KRT7: variants seen among roughly 807,000 people sequenced by gnomAD.
KRT7 encodes keratin 7.
Under a neutral mutation model 42.8 loss-of-function variants are expected in KRT7, and 50 were observed. That is an observed-to-expected ratio of 1.17 (90% CI 0.93 to 1.48). KRT7 has a LOEUF of 1.48. KRT7 is among the 40% of genes most tolerant of loss of function. KRT7 has a pLI of 0.00. For missense variants in KRT7, 588 were observed against 637.6 expected, an observed-to-expected ratio of 0.92 and a Z score of 0.84; for synonymous variants, 268 against 266.3, an observed-to-expected ratio of 1.01 and a Z score of -0.06.
intron 2 of KRT7, among the ~76,000 whole-genome samples, chr12:52,235,768 C>T (rs1249262284): frequency 6.6e-6 from 1 of 152,140 alleles, no homozygotes; most frequent in African/African-American, 2.4e-5. Flanking sequence ...GAATTAGAGA[C>T]CAGAGAAGTT....
chr12:52,248,696 C>G lies in KRT7; in HGVS notation c.1346C>G (p.Pro449Arg). ...CTGAGCTTCTCCAGCAGTGCGGGTC[C>G]TGGGCTCCTGAAGGCTTATTCCATC... ...NALSFSSSAG[P>R]GLLKAYSIRT... Residue 449 changes from proline (P) to arginine (R), a missense_variant, in exon 9 of 9, where the codon CCT (proline) becomes CGT (arginine). By Grantham distance (103) the Pro-to-Arg change is moderately radical. Coordinates refer to ENST00000331817, the MANE Select transcript of KRT7 (RefSeq NM_005556.4). 1 of 1,612,936 alleles carries G rather than the reference C, an allele frequency of 6.2e-7. No homozygotes were observed. Among genetic ancestry groups the G allele is most frequent in the Non-Finnish European group, 8.5e-7 (1 of 1,179,618 alleles).
chr12:52,238,354 G>A (rs1942038411), intron 3 of KRT7, among the ~76,000 whole-genome samples: 1 of 152,238 alleles, frequency 6.6e-6, no homozygotes, highest in Admixed American at 6.5e-5. Flanking sequence ...AGCTCCCAGA[G>A]TTGAAGTGAT....
At position 52,248,577 on chromosome 12, in the gene KRT7, C is replaced by T. The variant is rs1942214194; in HGVS notation, c.1241-14C>T. On this transcript the variant is annotated splice_polypyrimidine_tract_variant and intron_variant, in intron 8 of 8. Transcript: ENST00000331817. ...GCCTCACGCTGAAGAGAGCCCTCCTCTTTTCTCTCCCAGCTGTGATGAATT... is the reference window on the plus strand; with the variant it reads ...GCCTCACGCTGAAGAGAGCCCTCCTTTTTTCTCTCCCAGCTGTGATGAATT... 1.3e-6 allele frequency: 2 copies of T among 1,562,352 alleles called. No homozygotes were observed. The highest frequency in any genetic ancestry group is 1.9e-5 in the Admixed American group (1 of 53,894).
chr12:52,239,847 A>C (rs1470754763), intron 4 of KRT7, among the ~76,000 whole-genome samples: 3 of 152,024 alleles, frequency 2.0e-5, no homozygotes, highest in African/African-American at 7.3e-5. Context: ...CGGGGTTTCC[A>C]GCTCTTTTTC....
intron 5 of KRT7, 93 bp from the exon 6 acceptor site, chr12:52,242,919 A>C: frequency 7.1e-7 from 1 of 1,404,020 alleles, no homozygotes; most frequent in Admixed American, 2.2e-5. Flanking sequence ...CCCTGAAAAT[A>C]TAAGTTGGGA....
chr12:52,242,515 G>C (rs570544272), intron 5 of KRT7, among the ~76,000 whole-genome samples: 2 of 152,270 alleles, frequency 1.3e-5, no homozygotes, highest in South Asian at 4.2e-4. Context: ...CCCGAGGCAA[G>C]GATTGAGAGG....
At chr12:52,247,265 CTTCGAGT>C (rs1942188254) in intron 7 of KRT7, 1 of 152,230 alleles carries the variant, frequency 6.6e-6, no homozygotes, top group Non-Finnish European at 1.5e-5. Flanking sequence ...ACCAGAAATT[CTTCGAGT>C]TGCTGCCTGA....
chr12:52,255,598 C>T (rs1803483178), downstream of KRT7, among the ~76,000 whole-genome samples: 1 of 152,202 alleles, frequency 6.6e-6, no homozygotes, highest in Admixed American at 6.5e-5. Flanking sequence ...ACTCAAAGCT[C>T]TTTCTATTTC....
At chr12:52,252,292 T>G, downstream of KRT7, 1 of 1,614,020 alleles carries the variant, frequency 6.2e-7, no homozygotes, top group Non-Finnish European at 8.5e-7. Flanking sequence ...CAGGCGCCTG[T>G]AGGTGGCGAT....
Position 52,248,212 on chromosome 12 carries a change from G to A in KRT7, c.1240+1G>A. On this transcript the variant is annotated splice_donor_variant, in intron 8 of 8. Coordinates refer to ENST00000331817, the MANE Select transcript of KRT7 (RefSeq NM_005556.4). LOFTEE classifies it high-confidence loss of function. Reference sequence around the variant, plus strand: ...GATGGAGTGGGAGCCGTGAATATCTGTAAGTCCTTGGCTGCGGCCCATGGG... The same window carrying A: ...GATGGAGTGGGAGCCGTGAATATCTATAAGTCCTTGGCTGCGGCCCATGGG... 1.2e-6 allele frequency: 2 copies of A among 1,614,054 alleles called. No individual in the cohort carries two copies. Among genetic ancestry groups the A allele is most frequent in the Admixed American group, 1.7e-5 (1 of 60,024 alleles).
At chr12:52,250,973 TTTTTTATTTTTTA>T (rs1397167574), downstream of KRT7, among the ~76,000 whole-genome samples, 1 of 152,160 alleles carries the variant, frequency 6.6e-6, no homozygotes, top group African/African-American at 2.4e-5. Context: ...GTGGCCAACC[TTTTTTATTTTTTA>T]TTTTTATTTT....
chr12:52,253,360 T>C, downstream of KRT7: 1 of 1,611,404 alleles, frequency 6.2e-7, no homozygotes, highest in Non-Finnish European at 8.5e-7. Flanking sequence ...GAGTTGCTTA[T>C]GAGGCTCAGG....
At chr12:52,234,841 AG>A (rs1377624473) in intron 1 of KRT7, among the ~76,000 whole-genome samples, 21 of 152,242 alleles carry the variant, frequency 1.4e-4, no homozygotes. Context: ...TGACAGGAAG[AG>A]GTGGCTGTTC....
downstream of KRT7, chr12:52,251,978 C>T (rs1407715878): frequency 6.4e-6 from 4 of 621,632 alleles, no homozygotes; most frequent in Admixed American, 2.1e-5. Context: ...AGTTTGCCTG[C>T]CCAGAACCCC....
At position 52,241,506 on chromosome 12, in the gene KRT7, C is replaced by T. The variant is rs1252429543; in HGVS notation, c.728C>T (p.Thr243Ile). 6.2e-7 allele frequency: 1 copy of T among 1,613,744 alleles called. No individual in the cohort carries two copies. Among genetic ancestry groups the T allele is most frequent in the Middle Eastern group, 1.7e-4 (1 of 6,058 alleles). ...GAGCTGCAGTCCCAGATCTCCGACA[C>T]ATCTGTGGTGCTGTCCATGGACAAC... ...LTELQSQISD[T>I]SVVLSMDNSR... is the part of the protein sequence containing the mutation. The change falls in exon 5 of 9, where the codon ACA (threonine) becomes ATA (isoleucine). Residue 243 changes from threonine (T) to isoleucine (I), a missense_variant. Coordinates refer to ENST00000331817, the MANE Select transcript of KRT7 (RefSeq NM_005556.4).
At chr12:52,245,688 C>T (rs1174998113) in intron 7 of KRT7, 56 bp downstream of exon 7, 9 of 1,601,950 alleles carry the variant, frequency 5.6e-6, no homozygotes, top group Non-Finnish European at 6.0e-6. Flanking sequence ...GGGTTTGGGG[C>T]TTGACATTCA....
downstream of KRT7, chr12:52,253,200 T>C: frequency 6.3e-7 from 1 of 1,598,768 alleles, no homozygotes; most frequent in Non-Finnish European, 8.6e-7. Context: ...AGGGGTGGGC[T>C]GGGCTCCCAT....
intron 2 of KRT7, among the ~76,000 whole-genome samples, chr12:52,236,822 A>G (rs1428234420): frequency 6.6e-6 from 1 of 152,188 alleles, no homozygotes; most frequent in Non-Finnish European, 1.5e-5. Context: ...AGGTCCTCCT[A>G]AGGGCCAGGA....
chr12:52,235,930 C>A (rs959869628), intron 2 of KRT7, among the ~76,000 whole-genome samples: 2 of 152,178 alleles, frequency 1.3e-5, no homozygotes, highest in African/African-American at 4.8e-5. Context: ...GCGAGGGCCG[C>A]AGAGGCTGAG....
Sources: gnomAD v4.1 joint callset for allele counts (sites outside exome capture counted in the v4.1 genomes callset) on GRCh38, gnomAD v4.1.1 for gene constraint, MANE v1.5 for transcripts, NCBI Gene and HGNC (gene_info 2026-07-23, HGNC 2026-07-21) for gene names.